Variants in DZIP1L observed in about 807,000 individuals in gnomAD.
DZIP1L encodes the protein DAZ interacting zinc finger protein 1 like, also known as cilium assembly protein DZIP1L.
In DZIP1L, 90 loss-of-function variants were observed where a neutral mutation model predicts 88.7. The ratio of observed to expected loss-of-function variants is 1.02; its 90% CI spans 0.86 to 1.21. DZIP1L has a LOEUF of 1.21. Ranked by LOEUF, DZIP1L falls within the 50% of genes most tolerant of loss-of-function variation. DZIP1L has a pLI of 0.00. For missense variants in DZIP1L, 932 were observed against 955.8 expected (o/e 0.98, Z 0.33); for synonymous variants, 363 against 372.1 (o/e 0.98, Z 0.28).
intron 1 of DZIP1L, 74 bp from the exon 2 acceptor site, chr3:138,104,126 G>A (rs954996395): frequency 5.8e-6 from 8 of 1,381,934 alleles, no homozygotes; most frequent in Middle Eastern, 2.6e-4. Context: ...GGCCAGCAAG[G>A]GCCTAAGCGG....
chr3:138,079,556 GAGA>G (rs1401132865), intron 10 of DZIP1L, among the ~76,000 whole-genome samples: 1 of 152,202 alleles, frequency 6.6e-6, no homozygotes, highest in Non-Finnish European at 1.5e-5. Flanking sequence ...TGGGAAAAGG[GAGA>G]AGAATGGGTA....
chr3:138,096,037 T>G (rs1944454083), intron 3 of DZIP1L, among the ~76,000 whole-genome samples: 1 of 152,228 alleles, frequency 6.6e-6, no homozygotes, highest in Non-Finnish European at 1.5e-5. Context: ...ATACTGTTAT[T>G]AAAATTCTAA....
At chr3:138,111,069 C>T (rs765118659) in intron 1 of DZIP1L, among the ~76,000 whole-genome samples, 2 of 152,230 alleles carry the variant, frequency 1.3e-5, no homozygotes, top group Admixed American at 6.5e-5. Context: ...CTTCCTCCCC[C>T]ACTCCCCTGG....
chr3:138,100,414 C>G (rs1163126011), intron 2 of DZIP1L, among the ~76,000 whole-genome samples: 2 of 152,218 alleles, frequency 1.3e-5, no homozygotes, highest in African/African-American at 4.8e-5. Flanking sequence ...TGACTTCTAT[C>G]CTTATAATAA....
chr3:138,101,159 A>T (rs565801461), intron 2 of DZIP1L, among the ~76,000 whole-genome samples: 3 of 151,530 alleles, frequency 2.0e-5, no homozygotes, highest in African/African-American at 7.3e-5. Flanking sequence ...TACACTCTCC[A>T]TAAGTACAAA....
At chr3:138,112,058 T>C (rs2042628968) in intron 1 of DZIP1L, among the ~76,000 whole-genome samples, 1 of 151,776 alleles carries the variant, frequency 6.6e-6, no homozygotes, top group African/African-American at 2.4e-5. Context: ...ATTATGATGA[T>C]ATGATGATAG....
At chr3:138,076,402 A>C (rs1028194531) in intron 11 of DZIP1L, among the ~76,000 whole-genome samples, 29 of 152,000 alleles carry the variant, frequency 1.9e-4, no homozygotes, top group Admixed American at 8.5e-4. Context: ...CAGCAATCCC[A>C]CTACTGCGTA....
chr3:138,064,882 G>T, intron 14 of DZIP1L, 115 bp from the exon 15 acceptor site: 3 of 1,443,412 alleles, frequency 2.1e-6, no homozygotes, highest in Non-Finnish European at 2.8e-6. Context: ...AGAAGGGCCA[G>T]GAGGAAGAAG....
intron 11 of DZIP1L, among the ~76,000 whole-genome samples, chr3:138,072,983 AC>A (rs1943249227): frequency 6.6e-6 from 1 of 152,150 alleles, no homozygotes; most frequent in African/African-American, 2.4e-5. Flanking sequence ...GACTGGGAAC[AC>A]ACCCTCATCC....
Position 138,062,823 on chromosome 3 carries a change from G to C in DZIP1L, c.2297C>G (p.Ala766Gly), listed in dbSNP as rs750050483. 4 of 1,613,950 alleles carry C rather than the reference G, an allele frequency of 2.5e-6. No homozygotes were observed. In the South Asian group the frequency reaches 4.4e-5, roughly 18 times the overall value. Residue 766 changes from alanine to glycine, a missense_variant, in exon 16 of 16, where the codon GCC (alanine) becomes GGC (glycine). Coordinates refer to ENST00000327532, the MANE Select transcript of DZIP1L (RefSeq NM_173543.3). ...GCTAGCTTCTGGGGTGAATCACCAG[G>C]CAGGGACCCTGGGTTGGCCAGAGCT... ...PQSSGQPRVPAW is the reference protein window; with the variant it reads ...PQSSGQPRVPGW
chr3:138,078,243 G>A (rs928957117), intron 10 of DZIP1L, among the ~76,000 whole-genome samples: 1 of 152,232 alleles, frequency 6.6e-6, no homozygotes. Context: ...GCCTCCTACG[G>A]TGTTCTTCAG....
rs200902457 is a variant in DZIP1L, at chr3:138,062,820, C to T, written c.2300G>A (p.Trp767Ter). The T allele has an allele frequency of 2.6e-4, 425 of 1,613,906 alleles. 2 individuals are homozygous for T. The highest frequency in any genetic ancestry group is 3.1e-4 in the Non-Finnish European group (365 of 1,180,030). The change falls in exon 16 of 16, where the codon TGG becomes TAG. Residue 767 changes from tryptophan (W) to a stop codon, truncating the protein, a stop_gained. Coordinates refer to ENST00000327532, the MANE Select transcript of DZIP1L (RefSeq NM_173543.3). LOFTEE classifies it high-confidence loss of function. ...CCAGCTAGCTTCTGGGGTGAATCACCAGGCAGGGACCCTGGGTTGGCCAGA... is the reference window on the plus strand; with the variant it reads ...CCAGCTAGCTTCTGGGGTGAATCACTAGGCAGGGACCCTGGGTTGGCCAGA... ...QSSGQPRVPA[W>*]
At chr3:138,079,632 T>G (rs1443068136) in intron 10 of DZIP1L, among the ~76,000 whole-genome samples, 2 of 152,176 alleles carry the variant, frequency 1.3e-5, no homozygotes, top group Non-Finnish European at 2.9e-5. Flanking sequence ...GAGAAACCAT[T>G]AACAGTGAAA....
Position 138,081,708 on chromosome 3 carries a change from ACACACTGCC to A in DZIP1L, c.1234+17_1234+25del, listed in dbSNP as rs780771635. On this transcript the variant is annotated intron_variant, in intron 9 of 15. Coordinates refer to ENST00000327532, the MANE Select transcript of DZIP1L (RefSeq NM_173543.3). ...GCCAGAGACAATAGTCAAGACTGCT[ACACACTGCC>A]CTGTGTAGACACTTACCTTCCACCT... 2.5e-6 allele frequency: 4 copies of A among 1,608,166 alleles called. No homozygotes were observed. Among genetic ancestry groups the A allele is most frequent in the Non-Finnish European group, 3.4e-6 (4 of 1,177,138 alleles).
chr3:138,065,585 G>A (rs1942857221), intron 14 of DZIP1L, among the ~76,000 whole-genome samples: 1 of 152,218 alleles, frequency 6.6e-6, no homozygotes. Context: ...CCACCCTATT[G>A]CCCTTGCCTG....
intron 5 of DZIP1L, 183 bp from the exon 6 acceptor site, chr3:138,088,690 T>C: frequency 3.2e-6 from 4 of 1,268,868 alleles, no homozygotes; most frequent in Non-Finnish European, 4.0e-6. Context: ...AGGGCTCTCC[T>C]GGGGGCTCAG....
chr3:138,068,898 G>A, intron 12 of DZIP1L: 1 of 1,247,554 alleles, frequency 8.0e-7, no homozygotes, highest in Non-Finnish European at 1.0e-6. Context: ...AAGACCTATA[G>A]CCACAAGAGC....
At chr3:138,110,788 C>T (rs2042606101) in intron 1 of DZIP1L, among the ~76,000 whole-genome samples, 2 of 152,144 alleles carry the variant, frequency 1.3e-5, no homozygotes, top group South Asian at 4.1e-4. Context: ...ATGTATTATC[C>T]CACTTAATTC....
chr3:138,077,696 A>G, intron 10 of DZIP1L, 64 bp from the exon 11 acceptor site: 2 of 1,592,086 alleles, frequency 1.3e-6, no homozygotes, highest in Non-Finnish European at 1.7e-6. Flanking sequence ...CCAGAGCCCT[A>G]CTGCACCTGC....
Sources: allele counts gnomAD v4.1 joint callset (sites outside exome capture counted in the v4.1 genomes callset), GRCh38; gene constraint gnomAD v4.1.1; transcripts MANE v1.5; gene names NCBI Gene and HGNC (gene_info 2026-07-23, HGNC 2026-07-21).